Variants in RIC3 observed in about 807,000 individuals in gnomAD.
The protein encoded by RIC3 is protein RIC-3.
RIC3 carries 28 observed loss-of-function variants against 27.3 expected under a neutral mutation model. The observed-to-expected ratio is 1.02, with a 90% CI of 0.76 to 1.41. The LOEUF (loss-of-function observed/expected upper bound fraction) is 1.41, where lower values mean the gene tolerates loss of function less well. RIC3 is among the 40% of genes most tolerant of loss of function. The pLI is 0.00. For synonymous variants in RIC3, 184 were observed against 160.4 expected (o/e 1.15, Z -1.11); for missense variants, 501 against 444.7 (o/e 1.13, Z -1.14).
chr11:8,123,053 A>C (rs1327968375), intron 5 of RIC3, among the ~76,000 whole-genome samples: 1 of 152,068 alleles, frequency 6.6e-6, no homozygotes, highest in Non-Finnish European at 1.5e-5. Flanking sequence ...AAAAAGACCC[A>C]AATGAAACTT....
chr11:8,145,179 A>AT (rs1949540636), intron 1 of RIC3, among the ~76,000 whole-genome samples: 1 of 135,030 alleles, frequency 7.4e-6, no homozygotes, highest in Non-Finnish European at 1.5e-5. Context: ...TTAAAGTATA[A>AT]TAAAAAAAAA....
chr11:8,111,622 A>G (rs1361904299), intron 5 of RIC3, among the ~76,000 whole-genome samples: 1 of 152,218 alleles, frequency 6.6e-6, no homozygotes, highest in East Asian at 1.9e-4. Context: ...CTATTTATCC[A>G]AACAATTGAA....
the RIC3 span, chr11:8,096,901 A>C: frequency 7.0e-7 from 1 of 1,431,092 alleles, no homozygotes; most frequent in Non-Finnish European, 9.8e-7. Flanking sequence ...GTATGCCTTT[A>C]GGAGCTTCTC....
At chr11:8,112,437 G>A (rs1171405749) in intron 5 of RIC3, among the ~76,000 whole-genome samples, 1 of 152,022 alleles carries the variant, frequency 6.6e-6, no homozygotes, top group African/African-American at 2.4e-5. Context: ...GGGATTACAG[G>A]TGCATGCCAC....
chr11:8,095,444 C>T, the RIC3 span: 2 of 1,546,738 alleles, frequency 1.3e-6, no homozygotes, highest in African/African-American at 2.7e-5. Context: ...TCTGAGAATC[C>T]AGGCCCTCCT....
the RIC3 span, chr11:8,095,419 T>A: frequency 1.4e-6 from 2 of 1,463,146 alleles, no homozygotes; most frequent in East Asian, 4.6e-5. Flanking sequence ...TCTTCCCTCA[T>A]CCCCTTCATG....
At chr11:8,159,383 T>C (rs1261784823) in intron 1 of RIC3, among the ~76,000 whole-genome samples, 2 of 152,138 alleles carry the variant, frequency 1.3e-5, no homozygotes, top group South Asian at 2.1e-4. Flanking sequence ...GAGAATTACA[T>C]AGGGCCTTTT....
intron 1 of RIC3, among the ~76,000 whole-genome samples, chr11:8,165,986 G>C (rs1049771984): frequency 2.6e-5 from 4 of 152,018 alleles, no homozygotes; most frequent in African/African-American, 9.7e-5. Context: ...TGGGGGTCTT[G>C]TTATGTGGCC....
intron 1 of RIC3, among the ~76,000 whole-genome samples, chr11:8,145,200 A>T (rs10839980): frequency 1.7e-4 from 18 of 108,750 alleles, no homozygotes; most frequent in African/African-American, 6.3e-4. Flanking sequence ...TTAAAAAAAA[A>T]TTAAAAAAAA....
At chr11:8,114,851 G>C (rs113379849) in intron 5 of RIC3, among the ~76,000 whole-genome samples, 17 of 152,208 alleles carry the variant, frequency 1.1e-4, no homozygotes, top group African/African-American at 4.1e-4. Context: ...AAATGCAATA[G>C]AGAGTATCAA....
chr11:8,104,398 G>T (rs578090121), downstream of RIC3: 2 of 152,370 alleles, frequency 1.3e-5, no homozygotes, highest in South Asian at 4.1e-4. Flanking sequence ...CTTTCCTTCT[G>T]GCTCCAAGGT....
At chr11:8,128,140 G>A (rs1947209282) in intron 4 of RIC3, 1 of 455,854 alleles carries the variant, frequency 2.2e-6, no homozygotes, top group Non-Finnish European at 4.4e-6. Flanking sequence ...CTGCTCGTGT[G>A]TCCCACATAA....
intron 1 of RIC3, among the ~76,000 whole-genome samples, chr11:8,165,814 T>A (rs1951646890): frequency 6.6e-6 from 1 of 150,746 alleles, no homozygotes; most frequent in Admixed American, 6.6e-5. Context: ...AGTCTCACTG[T>A]GTTGCCCAGG....
At chr11:8,112,008 T>C (rs972311969) in intron 5 of RIC3, among the ~76,000 whole-genome samples, 4 of 152,236 alleles carry the variant, frequency 2.6e-5, no homozygotes, top group Non-Finnish European at 5.9e-5. Flanking sequence ...ATTATGATAA[T>C]TGGCAAATTC....
intron 1 of RIC3, among the ~76,000 whole-genome samples, chr11:8,148,684 A>G (rs1949949849): frequency 2.0e-5 from 3 of 152,182 alleles, no homozygotes; most frequent in Admixed American, 6.5e-5. Context: ...TATGTTCAAG[A>G]TTCTGCCATA....
At chr11:8,165,981 G>T (rs1228697650) in intron 1 of RIC3, among the ~76,000 whole-genome samples, 3 of 151,970 alleles carry the variant, frequency 2.0e-5, no homozygotes, top group African/African-American at 7.3e-5. Context: ...AGAGATGGGG[G>T]TCTTGTTATG....
intron 4 of RIC3, among the ~76,000 whole-genome samples, chr11:8,136,932 G>A (rs889355942): frequency 3.3e-5 from 5 of 152,002 alleles, no homozygotes; most frequent in African/African-American, 7.3e-5. Context: ...TAAAGAATAC[G>A]TAAATGACAT....
chr11:8,114,179 C>T (rs866041573), intron 5 of RIC3, among the ~76,000 whole-genome samples: 42 of 152,306 alleles, frequency 2.8e-4, no homozygotes, highest in Middle Eastern at 6.8e-3. Context: ...AATGCAAAAA[C>T]CATTCACCAG....
chr11:8,145,023 A>G (rs982025257), intron 1 of RIC3, among the ~76,000 whole-genome samples: 1 of 88,112 alleles, frequency 1.1e-5, no homozygotes, highest in African/African-American at 4.6e-5. Flanking sequence ...CACTCTGGGG[A>G]CTGTGGTGGG....
Sources: gnomAD v4.1 joint callset for allele counts (sites outside exome capture counted in the v4.1 genomes callset) on GRCh38, gnomAD v4.1.1 for gene constraint, MANE v1.5 for transcripts, NCBI Gene and HGNC (gene_info 2026-07-23, HGNC 2026-07-21) for gene names.